The following ALS2 variants were observed in gnomAD, a reference collection of about 807,000 sequenced individuals.
ALS2 encodes the protein alsin Rho guanine nucleotide exchange factor ALS2.
A neutral mutation model predicts 203.4 loss-of-function variants in ALS2; 117 were observed. That is an observed-to-expected ratio of 0.58 (90% confidence interval 0.50 to 0.67). ALS2 has a LOEUF of 0.67. Ranked by LOEUF, ALS2 falls within the 30% of genes least tolerant of loss-of-function variation. The pLI is 0.00. For synonymous variants in ALS2, 718 were observed against 725.9 expected (o/e 0.99, Z 0.17); for missense variants, 1,715 against 1,989.4 (o/e 0.86, Z 2.62).
intron 7 of ALS2, among the ~76,000 whole-genome samples, chr2:201,751,455 A>G (rs1202823078): frequency 6.6e-6 from 1 of 152,196 alleles, no homozygotes; most frequent in East Asian, 1.9e-4. Flanking sequence ...CTAAATGATC[A>G]TCTTTTCATT....
chr2:201,711,020 A>G lies in ALS2; in HGVS notation c.4093T>C (p.Tyr1365His), dbSNP rs768339714. 7 of 1,610,136 alleles carry G rather than the reference A, an allele frequency of 4.3e-6. No individual in the cohort carries two copies. The highest frequency in any genetic ancestry group is 5.1e-6 in the Non-Finnish European group (6 of 1,176,576). ...QHVGAFSVEK[Y>H]DDIRKYLIKA... ...ATTAAATATTTCCTGATGTCATCAT[A>G]TTTCTCCACAGAGAAGGCACCAACA... is the stretch of plus-strand genomic sequence containing the variant. The change falls in exon 26 of 34, where the codon TAT becomes CAT. Residue 1365 changes from tyrosine (Y) to histidine (H), a missense_variant. This residue lies in a region of ALS2 where 1,227 missense variants were observed against 1,413.5 expected (regional missense o/e 0.87). Transcript: ENST00000264276.
Position 201,701,868 on chromosome 2 carries a change from G to A in ALS2, c.4957C>T (p.Arg1653Cys), listed in dbSNP as rs200416249. 1.7e-4 allele frequency: 270 copies of A among 1,613,454 alleles called. No homozygotes were observed. Among genetic ancestry groups the A allele is most frequent in the Non-Finnish European group, 2.0e-4 (238 of 1,179,800 alleles). The part of the protein sequence containing the change: ...TLKACYYQIQ[R>C]EKLN ...TATGCAGCCTAGTTAAGCTTCTCAC[G>A]CTGAATCTGGTAGTAACATGCCTGG... is the stretch of plus-strand genomic sequence containing the variant. The change falls in exon 34 of 34, where the codon CGT becomes TGT. Residue 1653 changes from arginine (R) to cysteine (C), a missense_variant. By Grantham distance (180) the Arg-to-Cys change is radical. Coordinates refer to ENST00000264276, the MANE Select transcript of ALS2 (RefSeq NM_020919.4).
At chr2:201,720,021 A>T (rs1457126045) in intron 23 of ALS2, 1 of 327,086 alleles carries the variant, frequency 3.1e-6, no homozygotes, top group Non-Finnish European at 5.8e-6. Flanking sequence ...TTCATTGGTG[A>T]ATTCTCCCAA....
intron 11 of ALS2, among the ~76,000 whole-genome samples, chr2:201,740,115 A>G (rs866024603): frequency 1.3e-5 from 2 of 152,018 alleles, no homozygotes; most frequent in African/African-American, 4.8e-5. Flanking sequence ...ACTTATGCCC[A>G]GGAGTTTGAG....
At chr2:201,709,069 A>G (rs1394682464) in intron 27 of ALS2, among the ~76,000 whole-genome samples, 1 of 152,210 alleles carries the variant, frequency 6.6e-6, no homozygotes. Flanking sequence ...TAATTATCTC[A>G]CTATAGTATT....
intron 3 of ALS2, among the ~76,000 whole-genome samples, chr2:201,764,131 T>C (rs1376262665): frequency 2.0e-5 from 3 of 152,184 alleles, no homozygotes; most frequent in African/African-American, 7.2e-5. Flanking sequence ...AGGAAATGTA[T>C]AGTCTGGTTC....
rs781519422 is a variant in ALS2 at position 201,715,737 on chromosome 2, T to A, written c.3939A>T (p.Glu1313Asp). 6.2e-7 allele frequency: 1 copy of A among 1,614,220 alleles called. No homozygotes were observed. The highest frequency in any genetic ancestry group is 1.1e-5 in the South Asian group (1 of 91,082). ...CAATATTGTCCCATGCTTTCCAAAC[T>A]TCCCCTTGGCCTGGGCCCTCACAGC... ...QLGCEGPGQG[E>D]VWKAWDNIAV... is the part of the protein sequence containing the mutation. Residue 1313 changes from glutamate to aspartate, a missense_variant, in exon 25 of 34, where the codon GAA becomes GAT. Transcript: ENST00000264276.
chr2:201,769,733 G>A (rs1189286334), intron 1 of ALS2, among the ~76,000 whole-genome samples: 1 of 152,122 alleles, frequency 6.6e-6, no homozygotes, highest in East Asian at 1.9e-4. Flanking sequence ...CAAAACACAA[G>A]AAAACAAAAG....
At chr2:201,718,296 G>A in intron 23 of ALS2, 86 bp from the exon 24 acceptor site, 1 of 1,469,572 alleles carries the variant, frequency 6.8e-7, no homozygotes, top group Non-Finnish European at 9.4e-7. Flanking sequence ...GTCTCACTCT[G>A]TTGCCCAGGC....
intron 1 of ALS2, among the ~76,000 whole-genome samples, chr2:201,778,032 C>T (rs751696968): frequency 6.6e-6 from 1 of 151,914 alleles, no homozygotes; most frequent in Non-Finnish European, 1.5e-5. Context: ...TTTGCTTAGC[C>T]AATTGCCCCA....
Position 201,701,896 on chromosome 2 carries a change from G to A in ALS2, c.4936-7C>T. 1 of 1,613,350 alleles carries A rather than the reference G, an allele frequency of 6.2e-7. No homozygotes were observed. The highest frequency in any genetic ancestry group is 8.5e-7 in the Non-Finnish European group (1 of 1,179,626). On this transcript the variant is annotated splice_region_variant and splice_polypyrimidine_tract_variant and intron_variant, in intron 33 of 33. Coordinates refer to ENST00000264276, the MANE Select transcript of ALS2 (RefSeq NM_020919.4). ...GAATCTGGTAGTAACATGCCTGGAAGAAAAGTTCAAAATAATTTCAAATTC... is the reference window on the plus strand; with the variant it reads ...GAATCTGGTAGTAACATGCCTGGAAAAAAAGTTCAAAATAATTTCAAATTC...
chr2:201,725,539 A>G, intron 19 of ALS2, 85 bp from the exon 20 acceptor site: 1 of 1,114,150 alleles, frequency 9.0e-7, no homozygotes, highest in Non-Finnish European at 1.4e-6. Context: ...AAACATTTTA[A>G]CAAGGAAGAC....
At position 201,741,764 on chromosome 2, in the gene ALS2, G is replaced by A; in HGVS notation, c.2261C>T (p.Ala754Val). 2 of 1,614,018 alleles carry A rather than the reference G, an allele frequency of 1.2e-6. No individual in the cohort carries two copies. The highest frequency in any genetic ancestry group is 1.7e-6 in the Non-Finnish European group (2 of 1,179,958). ...KLCYLIGQHGASLSSFLHGVK... is the reference protein window; with the variant it reads ...KLCYLIGQHGVSLSSFLHGVK... ...CCCATGAAGGAAGCTGCTCAATGAG[G>A]CTCCATGCTGACCAATGAGGTAACA... The change falls in exon 11 of 34, where the codon GCC becomes GTC. Residue 754 changes from alanine (A) to valine (V), a missense_variant. Ala to Val is a moderately conservative substitution (Grantham distance 64, BLOSUM62 0). Around this residue, in one of 3 missense-constraint regions of ALS2, gnomAD observed 1,227 missense variants for 1,413.5 expected, o/e 0.87. Coordinates refer to ENST00000264276, the MANE Select transcript of ALS2 (RefSeq NM_020919.4).
chr2:201,717,112 G>A (rs1366268568), intron 24 of ALS2, among the ~76,000 whole-genome samples: 1 of 152,058 alleles, frequency 6.6e-6, no homozygotes, highest in Non-Finnish European at 1.5e-5. Context: ...CTTGGGGTGT[G>A]TGTGTGTGTG....
chr2:201,744,240 G>A lies in ALS2; in HGVS notation c.2170+18C>T, dbSNP rs751329330. 6.2e-7 allele frequency: 1 copy of A among 1,608,870 alleles called. No individual in the cohort carries two copies. The highest frequency in any genetic ancestry group is 1.1e-5 in the South Asian group (1 of 90,972). ...GACCTGATGGTTTAATGGTGGGAGA[G>A]AGGGGGTTGCAACTTACCTAAACTG... On this transcript the variant is annotated intron_variant, in intron 10 of 33. Coordinates refer to ENST00000264276, the MANE Select transcript of ALS2 (RefSeq NM_020919.4).
intron 24 of ALS2, 64 bp from the exon 25 acceptor site, chr2:201,715,903 G>A: frequency 6.3e-7 from 1 of 1,589,790 alleles, no homozygotes; most frequent in South Asian, 1.1e-5. Flanking sequence ...CCAAAGAACA[G>A]AAACTTTCTA....
intron 12 of ALS2, among the ~76,000 whole-genome samples, chr2:201,734,190 G>A (rs1471991252): frequency 1.3e-5 from 2 of 152,118 alleles, no homozygotes; most frequent in East Asian, 1.9e-4. Flanking sequence ...GTAAGAGTTG[G>A]TGAGCTGGGT....
chr2:201,759,513 A>G, intron 4 of ALS2: 1 of 978,944 alleles, frequency 1.0e-6, no homozygotes. Flanking sequence ...TAGCATAAGT[A>G]ACAAAAACTT....
intron 13 of ALS2, among the ~76,000 whole-genome samples, chr2:201,732,188 T>C (rs1412605282): frequency 1.3e-5 from 2 of 152,102 alleles, no homozygotes; most frequent in East Asian, 1.9e-4. Context: ...CCTACATCAA[T>C]CAGTTCCTGG....
Sources: allele counts gnomAD v4.1 joint callset (sites outside exome capture counted in the v4.1 genomes callset), GRCh38; gene constraint gnomAD v4.1.1; regional missense constraint gnomAD v4.1.1; transcripts MANE v1.5; gene names NCBI Gene and HGNC (gene_info 2026-07-23, HGNC 2026-07-21).